The following PABPN1L variants were observed in gnomAD, a reference collection of about 807,000 sequenced individuals.
PABPN1L encodes embryonic polyadenylate-binding protein 2.
A neutral mutation model predicts 34.0 loss-of-function variants in PABPN1L; 45 were observed. The observed-to-expected ratio is 1.32, with a 90% confidence interval of 1.04 to 1.70. The LOEUF (loss-of-function observed/expected upper bound fraction) is 1.70. PABPN1L is among the 40% of genes most tolerant of loss of function. The pLI is 0.00. For missense variants in PABPN1L, 459 were observed against 367.8 expected (o/e 1.25, Z -2.03); for synonymous variants, 182 against 152.1 (o/e 1.20, Z -1.45).
At chr16:88,864,177 C>T (rs1968522752) in intron 6 of PABPN1L, 60 bp downstream of exon 6, 3 of 1,503,450 alleles carry the variant, frequency 2.0e-6, no homozygotes, top group Non-Finnish European at 8.9e-7. Flanking sequence ...CCCCCTCCTG[C>T]CCCTGATGCC....
chr16:88,867,876 C>T (rs1272101281), upstream of PABPN1L, among the ~76,000 whole-genome samples: 1 of 152,222 alleles, frequency 6.6e-6, no homozygotes, highest in East Asian at 1.9e-4. Flanking sequence ...GGCTCTTACC[C>T]CTGCCATTGG....
chr16:88,864,411 A>C, intron 5 of PABPN1L, 32 bp from the exon 6 acceptor site: 1 of 1,545,062 alleles, frequency 6.5e-7, no homozygotes, highest in Non-Finnish European at 8.7e-7. Context: ...AGTCCTCCTC[A>C]AGGAGCAGCC....
intron 1 of PABPN1L, 38 bp from the exon 2 acceptor site, chr16:88,865,979 C>T (rs1169329816): frequency 1.9e-6 from 3 of 1,579,538 alleles, no homozygotes; most frequent in South Asian, 1.1e-5. Flanking sequence ...AGGCAGCCTG[C>T]AGGCTCTGCT....
chr16:88,869,034 G>A (rs1393735271), upstream of PABPN1L, among the ~76,000 whole-genome samples: 2 of 152,202 alleles, frequency 1.3e-5, no homozygotes, highest in South Asian at 2.1e-4. Flanking sequence ...CCCTGTAAGC[G>A]CGATGCGAGG....
At chr16:88,866,129 C>T (rs867681908) in intron 1 of PABPN1L, among the ~76,000 whole-genome samples, 188 bp from the exon 2 acceptor site, 4 of 152,364 alleles carry the variant, frequency 2.6e-5, no homozygotes, top group Non-Finnish European at 4.4e-5. Flanking sequence ...CCCCCGAAAC[C>T]GCACCTCAAG....
At chr16:88,864,615 C>CCAGCACCCCTGCAGAGGGGGGGGTCACGG (rs1968542585) in intron 5 of PABPN1L, among the ~76,000 whole-genome samples, 1 of 140,570 alleles carries the variant, frequency 7.1e-6, no homozygotes, top group Non-Finnish European at 1.5e-5. Flanking sequence ...GGGGTCACGG[C>CCAGCACCCCTGCAGAGGGGGGGGTCACGG]CAGCACCCCT....
chr16:88,864,727 C>A, intron 5 of PABPN1L, 126 bp downstream of exon 5: 1 of 1,122,220 alleles, frequency 8.9e-7, no homozygotes, highest in Non-Finnish European at 1.3e-6. Context: ...CTGTCCAGGC[C>A]CAGCCAAGCA....
chr16:88,866,625 A>G, upstream of PABPN1L: 1 of 1,519,236 alleles, frequency 6.6e-7, no homozygotes, highest in Non-Finnish European at 8.8e-7. Context: ...GGCAGGAGGA[A>G]GGTGGGCCAG....
chr16:88,865,047 C>G, exon 4 of PABPN1L: 1 of 1,600,360 alleles, frequency 6.2e-7, no homozygotes, highest in Non-Finnish European at 8.5e-7. Context: ...GAGAACTTGT[C>G]ACACAGGATC....
intron 3 of PABPN1L, among the ~76,000 whole-genome samples, 175 bp from the exon 4 acceptor site, chr16:88,865,303 T>A (rs558762893): frequency 1.1e-3 from 172 of 151,082 alleles, no homozygotes; most frequent in African/African-American, 4.1e-3. Context: ...ATATCTCGTA[T>A]GGAGCGCTTC....
intron 3 of PABPN1L, 102 bp downstream of exon 3, chr16:88,865,461 C>G: frequency 6.9e-7 from 1 of 1,441,392 alleles, no homozygotes. Context: ...GGGTCAGACC[C>G]CCTTCCCAGC....
chr16:88,865,490 GCCGGGCGC>G, intron 3 of PABPN1L, 65 bp downstream of exon 3: 2 of 1,546,314 alleles, frequency 1.3e-6, no homozygotes, highest in Non-Finnish European at 1.8e-6. Context: ...CTGGCCCATG[GCCGGGCGC>G]CAGACCCTCT....
chr16:88,867,236 T>C (rs548686540), upstream of PABPN1L, among the ~76,000 whole-genome samples: 148 of 147,578 alleles, frequency 1.0e-3, no homozygotes, highest in Middle Eastern at 3.5e-3. Flanking sequence ...TTTTTTTTTC[T>C]TTTTTTTTTA....
At chr16:88,867,733 G>A (rs1004935651), upstream of PABPN1L, among the ~76,000 whole-genome samples, 3 of 152,204 alleles carry the variant, frequency 2.0e-5, no homozygotes, top group Non-Finnish European at 4.4e-5. Flanking sequence ...GCAGCAGGAG[G>A]TGACCCGTGT....
Position 88,864,222 on chromosome 16 carries a change from C to T in PABPN1L, c.797+15G>A. 1.9e-6 allele frequency: 3 copies of T among 1,551,680 alleles called. No homozygotes were observed. The highest frequency in any genetic ancestry group is 2.6e-6 in the Non-Finnish European group (3 of 1,148,808). On this transcript the variant is annotated intron_variant, in intron 6 of 6. Coordinates refer to ENST00000419291, the Ensembl canonical transcript of PABPN1L. ...GGCCCTCGCCCCCAGGCTGCCCCCA[C>T]AGGCACCCACTCACCGGTTCTGCCC... is the stretch of plus-strand genomic sequence containing the variant.
rs750394875 is a variant in PABPN1L at position 88,864,391 on chromosome 16, G to A, written c.655-12C>T. Reference sequence around the variant, plus strand: ...CTTTTCGGCAGCACCTGGAGCAAAGGCCTGTTTTGAGTCCTCCTCAAGGAG... The same window carrying A: ...CTTTTCGGCAGCACCTGGAGCAAAGACCTGTTTTGAGTCCTCCTCAAGGAG... On this transcript the variant is annotated splice_polypyrimidine_tract_variant and intron_variant, in intron 5 of 6. Coordinates refer to ENST00000419291, the Ensembl canonical transcript of PABPN1L. 5.2e-6 allele frequency: 8 copies of A among 1,552,604 alleles called. No homozygotes were observed. Among genetic ancestry groups the A allele is most frequent in the South Asian group, 4.8e-5 (4 of 84,140 alleles).
intron 1 of PABPN1L, 26 bp from the exon 2 acceptor site, chr16:88,865,967 G>A (rs79912986): frequency 0.023 from 35,893 of 1,594,502 alleles, 486 homozygotes; most frequent in Non-Finnish European, 0.028. Flanking sequence ...CCTGAGCCGG[G>A]CAGGCAGCCT....
upstream of PABPN1L, among the ~76,000 whole-genome samples, chr16:88,867,026 AG>A (rs1968619384): frequency 6.6e-6 from 1 of 152,176 alleles, no homozygotes; most frequent in Non-Finnish European, 1.5e-5. Context: ...GGGACCAAGC[AG>A]GCTGGAGAGG....
At chr16:88,864,798 C>G (rs1968547360) in intron 5 of PABPN1L, 55 bp downstream of exon 5, 1 of 1,505,746 alleles carries the variant, frequency 6.6e-7, no homozygotes, top group Non-Finnish European at 9.1e-7. Flanking sequence ...GTCCCAGGGC[C>G]AGTGGGCCAG....
Sources: allele counts gnomAD v4.1 joint callset (sites outside exome capture counted in the v4.1 genomes callset), GRCh38; gene constraint gnomAD v4.1.1; transcripts MANE v1.5; gene names NCBI Gene and HGNC (gene_info 2026-07-23, HGNC 2026-07-21).